Variants in EME2 observed in about 807,000 individuals in gnomAD.
EME2 encodes the protein structure-specific endonuclease subunit EME2.
In EME2, 58 loss-of-function variants were observed where a neutral mutation model predicts 41.9. The ratio of observed to expected loss-of-function variants is 1.38; its 90% CI spans 1.12 to 1.72. EME2 has a LOEUF of 1.72. Among genes scored for constraint, EME2 ranks in the 40% most tolerant of loss-of-function variants. The pLI is 0.00. For synonymous variants in EME2, 334 were observed against 239.3 expected, an observed-to-expected ratio of 1.40 and a Z score of -3.65; for missense variants, 695 against 541.9, an observed-to-expected ratio of 1.28 and a Z score of -2.81.
At position 1,781,375 on chromosome 16, in the gene EME2, A is replaced by G. The variant is rs1304099352; in HGVS notation, c.*5137A>G. ...GAACCTACCTGCCCATCAGAGTCGT[A>G]GCCCCAGTTAGTGGAGCCTGCTAGA... is the stretch of plus-strand genomic sequence containing the variant. On this transcript the variant is annotated 3_prime_UTR_variant, in exon 8 of 8. Coordinates refer to ENST00000568449, the MANE Select transcript of EME2 (RefSeq NM_001257370.2). 1.2e-6 allele frequency: 2 copies of G among 1,612,662 alleles called. No homozygotes were observed. The highest frequency in any genetic ancestry group is 1.7e-6 in the Non-Finnish European group (2 of 1,179,974).
rs2042742766 is a variant in EME2 at position 1,778,210 on chromosome 16, C to T, written c.*1972C>T. On this transcript the variant is annotated 3_prime_UTR_variant, in exon 8 of 8. Coordinates refer to ENST00000568449, the MANE Select transcript of EME2 (RefSeq NM_001257370.2). Reference sequence around the variant, plus strand: ...GCCCTCCCCCAGCTCCTTGGTGCCCCGGATGGCCGCTGTGCCGCAGCTGTA... The same window carrying T: ...GCCCTCCCCCAGCTCCTTGGTGCCCTGGATGGCCGCTGTGCCGCAGCTGTA... The T allele has an allele frequency of 1.2e-6, 2 of 1,612,906 alleles. No homozygotes were observed. Among genetic ancestry groups the T allele is most frequent in the East Asian group, 2.2e-5 (1 of 44,872 alleles).
At position 1,777,486 on chromosome 16, in the gene EME2, G is replaced by A. The variant is rs563143718; in HGVS notation, c.*1248G>A. 31 of 1,453,772 alleles carry A rather than the reference G, an allele frequency of 2.1e-5. No individual in the cohort carries two copies. In the East Asian group the frequency reaches 6.0e-4, roughly 28 times the overall value. The allele number at this position is 1,453,772 out of a possible 1,614,324, so 90.1% of individuals were successfully genotyped here. On this transcript the variant is annotated 3_prime_UTR_variant, in exon 8 of 8. Coordinates refer to ENST00000568449, the MANE Select transcript of EME2 (RefSeq NM_001257370.2). The stretch of plus-strand genomic sequence containing the variant: ...AGCCTGAACCCCAGGCAGGGAAGGG[G>A]CCAGCTACTGGGCGCAGCCCCTCAG...
rs368193610 is a variant in EME2 at position 1,773,455 on chromosome 16, C to T, written c.228C>T (p.Leu76=). ...GGCCGGAGCAGGTCCTGAAGCGCCT[C>T]GCGGTGTGCGTGGACACAGGTGCGG... ...LLRPEQVLKR[L]AVCVDTAILE... is the part of the protein sequence containing the mutation. The change falls in exon 1 of 8, where the codon CTC becomes CTT. Residue 76 remains leucine (L), a synonymous_variant. Coordinates refer to ENST00000568449, the MANE Select transcript of EME2 (RefSeq NM_001257370.2). 426 of 1,576,310 alleles carry T rather than the reference C, an allele frequency of 2.7e-4. 2 individuals carry two copies. The East Asian group carries it at 2.8e-3, about 10-fold the overall frequency.
chr16:1,775,138 GCTCA>G lies in EME2; in HGVS notation c.569+10_569+13del, dbSNP rs1319086729. 7 of 1,611,588 alleles carry G rather than the reference GCTCA, an allele frequency of 4.3e-6. No homozygotes were observed. Among genetic ancestry groups the G allele is most frequent in the East Asian group, 2.2e-5 (1 of 44,890 alleles). ...GGGCTGGATGCCTACCTGTGGTACC[GCTCA>G]CTCTCATGCCCACAGCAGGGCTGGC... On this transcript the variant is annotated splice_region_variant and intron_variant, in intron 4 of 7. Transcript: ENST00000568449.
chr16:1,776,407 T>A lies in EME2; in HGVS notation c.*169T>A. 1.7e-6 allele frequency: 1 copy of A among 589,440 alleles called. No individual in the cohort carries two copies. The highest frequency in any genetic ancestry group is 2.8e-6 in the Non-Finnish European group (1 of 361,648). 36.5% of individuals were successfully genotyped at this position (589,440 alleles called of 1,614,324 possible). A position where few individuals can be genotyped will look rare whatever the true frequency, so the allele number is the denominator to read the frequency against. ...GGGTGGTTGCAGGGGAAGTTTTAGGTAGCTGGGAGAAGAGGGGCTTCTGGC... is the reference window on the plus strand; with the variant it reads ...GGGTGGTTGCAGGGGAAGTTTTAGGAAGCTGGGAGAAGAGGGGCTTCTGGC... On this transcript the variant is annotated 3_prime_UTR_variant, in exon 8 of 8. Coordinates refer to ENST00000568449, the MANE Select transcript of EME2 (RefSeq NM_001257370.2).
In EME2 at chr16:1,781,454, G is replaced by A. The variant is rs202165194; in HGVS notation, c.*5216G>A. On this transcript the variant is annotated 3_prime_UTR_variant, in exon 8 of 8. Transcript: ENST00000568449. The stretch of plus-strand genomic sequence containing the variant: ...GGGCTGCACTCAGGACGAAGTGCCA[G>A]GCCCTGCTGTTCCGGGGGCGTCTGG... The A allele has an allele frequency of 1.2e-6, 2 of 1,612,770 alleles. No individual in the cohort carries two copies. The highest frequency in any genetic ancestry group is 2.2e-5 in the East Asian group (1 of 44,888).
rs932312589 is a variant in EME2, at chr16:1,777,109, G to A, written c.*871G>A. The stretch of plus-strand genomic sequence containing the variant: ...ACTGGGAAGTCAGTCAGGTCCGGCG[G>A]CAGCGCTTCCTCTGGCAGGGCCGAG... On this transcript the variant is annotated 3_prime_UTR_variant, in exon 8 of 8. Transcript: ENST00000568449. The A allele has an allele frequency of 1.9e-6, 3 of 1,610,976 alleles. No homozygotes were observed. The highest frequency in any genetic ancestry group is 1.1e-5 in the South Asian group (1 of 90,994).
rs777662995 is a variant in EME2 at position 1,777,938 on chromosome 16, T to A, written c.*1700T>A. ...GCTCGGCCCCGCCCCACCCTGGGCC[T>A]CACGCACCCGTGTAGGAGAGGCCCC... On this transcript the variant is annotated 3_prime_UTR_variant, in exon 8 of 8. Transcript: ENST00000568449. 2.1e-5 allele frequency: 34 copies of A among 1,612,252 alleles called. No homozygotes were observed. The Admixed American group carries it at 5.7e-4, about 27-fold the overall frequency.
In EME2 at chr16:1,777,236, T is replaced by A; in HGVS notation, c.*998T>A. ...GCTCAGGACCCAGCCCAGCTTGTTG[T>A]GTAGCACCTGCTTGAGGCCCGGCGG... On this transcript the variant is annotated 3_prime_UTR_variant, in exon 8 of 8. Transcript: ENST00000568449. The A allele has an allele frequency of 6.2e-7, 1 of 1,610,784 alleles. No individual in the cohort carries two copies.
At position 1,778,188 on chromosome 16, in the gene EME2, C is replaced by T; in HGVS notation, c.*1950C>T. 1.2e-6 allele frequency: 2 copies of T among 1,612,974 alleles called. No individual in the cohort carries two copies. Among genetic ancestry groups the T allele is most frequent in the South Asian group, 2.2e-5 (2 of 91,070 alleles). On this transcript the variant is annotated 3_prime_UTR_variant, in exon 8 of 8. Transcript: ENST00000568449. ...TCTTGATCTCCCAGAAGTGCTGGCCCTCCCCCAGCTCCTTGGTGCCCCGGA... is the reference window on the plus strand; with the variant it reads ...TCTTGATCTCCCAGAAGTGCTGGCCTTCCCCCAGCTCCTTGGTGCCCCGGA...
chr16:1,778,619 G>A lies in EME2; in HGVS notation c.*2381G>A, dbSNP rs370951208. On this transcript the variant is annotated 3_prime_UTR_variant, in exon 8 of 8. Transcript: ENST00000568449. ...CGGAGTCCGAGTCGCTGTGCTGGGA[G>A]AGAAGGGCCGGCTGTTACTACCTGT... 6.5e-7 allele frequency: 1 copy of A among 1,539,148 alleles called. No individual in the cohort carries two copies. Among genetic ancestry groups the A allele is most frequent in the Admixed American group, 1.8e-5 (1 of 54,188 alleles).
At chr16:1,774,026 G>C (rs2042672452) in intron 2 of EME2, among the ~76,000 whole-genome samples, 185 bp downstream of exon 2, 1 of 152,268 alleles carries the variant, frequency 6.6e-6, no homozygotes, top group South Asian at 2.1e-4. Context: ...AGCCGAGCTG[G>C]CTGGAGAAGG....
chr16:1,780,428 G>C lies in EME2; in HGVS notation c.*4190G>C, dbSNP rs934058221. ...AGCTGCCCTCAGGGTCTGCCAAGGTGGGGGTCAGGGGCCATGGGGGCAGGT... is the reference window on the plus strand; with the variant it reads ...AGCTGCCCTCAGGGTCTGCCAAGGTCGGGGTCAGGGGCCATGGGGGCAGGT... On this transcript the variant is annotated 3_prime_UTR_variant, in exon 8 of 8. Transcript: ENST00000568449. 6.6e-6 allele frequency: 1 copy of C among 152,390 alleles called. No homozygotes were observed. Among genetic ancestry groups the C allele is most frequent in the African/African-American group, 2.4e-5 (1 of 41,476 alleles). The allele number at this position is 152,390 out of a possible 1,614,324, so 9.4% of individuals were successfully genotyped here.
rs2042699472 is a variant in EME2, at chr16:1,775,641, C to T, written c.736C>T (p.His246Tyr). Residue 246 changes from histidine to tyrosine, a missense_variant, in exon 6 of 8, where the codon CAC becomes TAC. By Grantham distance (83) the His-to-Tyr change is moderately conservative. Coordinates refer to ENST00000568449, the MANE Select transcript of EME2 (RefSeq NM_001257370.2). ...LVASWQELSRHVCAVTKALAQ... is the reference protein window; with the variant it reads ...LVASWQELSRYVCAVTKALAQ... ...GGCCTCTTGGCAGGAGCTGAGTCGG[C>T]ACGTGTGCGCCGTTACCAAGGCTCT... 1 of 1,612,926 alleles carries T rather than the reference C, an allele frequency of 6.2e-7. No individual in the cohort carries two copies. Among genetic ancestry groups the T allele is most frequent in the African/African-American group, 1.3e-5 (1 of 75,066 alleles).
At position 1,772,814 on chromosome 16, in the gene EME2, G is replaced by C; in HGVS notation, c.-414G>C. ...GTGCACGCACCTGCGCCGTGTAGTC[G>C]GGCCGCACCCGCGTGAGGCGCCAGT... is the stretch of plus-strand genomic sequence containing the variant. On this transcript the variant is annotated 5_prime_UTR_variant, in exon 1 of 8. Coordinates refer to ENST00000568449, the MANE Select transcript of EME2 (RefSeq NM_001257370.2). 6.9e-7 allele frequency: 1 copy of C among 1,446,596 alleles called. No individual in the cohort carries two copies. Among genetic ancestry groups the C allele is most frequent in the Non-Finnish European group, 9.1e-7 (1 of 1,104,918 alleles). 89.6% of individuals were successfully genotyped at this position (1,446,596 alleles called of 1,614,324 possible). A position where few individuals can be genotyped will look rare whatever the true frequency, so the allele number is the denominator to read the frequency against.
chr16:1,774,236 C>T (rs2042675714), intron 2 of EME2, 24 bp from the exon 3 acceptor site: 1 of 1,603,522 alleles, frequency 6.2e-7, no homozygotes, highest in East Asian at 2.2e-5. Context: ...AGACAGGCAG[C>T]AGCGCGTCCC....
chr16:1,775,478 G>T, intron 5 of EME2, 70 bp downstream of exon 5: 2 of 1,593,712 alleles, frequency 1.3e-6, no homozygotes, highest in Non-Finnish European at 1.7e-6. Flanking sequence ...GGCTGGGTTT[G>T]GTTCCCAGCG....
At chr16:1,774,210 G>C (rs1243938497) in intron 2 of EME2, 50 bp from the exon 3 acceptor site, 1 of 1,555,406 alleles carries the variant, frequency 6.4e-7, no homozygotes, top group Non-Finnish European at 8.8e-7. Flanking sequence ...CAGGGCCCCT[G>C]GGGCACCCGG....
Position 1,773,100 on chromosome 16 carries a change from C to T in EME2, c.-128C>T, listed in dbSNP as rs1362542407. On this transcript the variant is annotated 5_prime_UTR_variant, in exon 1 of 8. It adds an upstream start codon to the 5' untranslated region. Coordinates refer to ENST00000568449, the MANE Select transcript of EME2 (RefSeq NM_001257370.2). The stretch of plus-strand genomic sequence containing the variant: ...GGCCAGCTCCGCGATCAGCCGCGGA[C>T]GCACCTTCTTCCGCGCCATGGCGGG... The T allele has an allele frequency of 1.4e-6, 2 of 1,402,168 alleles. No homozygotes were observed. Among genetic ancestry groups the T allele is most frequent in the Non-Finnish European group, 1.8e-6 (2 of 1,083,294 alleles). 86.9% of individuals were successfully genotyped at this position (1,402,168 alleles called of 1,614,324 possible). A position where few individuals can be genotyped will look rare whatever the true frequency, so the allele number is the denominator to read the frequency against.
Sources: allele counts gnomAD v4.1 joint callset (sites outside exome capture counted in the v4.1 genomes callset), GRCh38; gene constraint gnomAD v4.1.1; transcripts MANE v1.5; gene names NCBI Gene and HGNC (gene_info 2026-07-23, HGNC 2026-07-21).